Variants in PTK7 observed in about 807,000 individuals in gnomAD.
PTK7 encodes protein tyrosine kinase 7 (inactive), also known as inactive tyrosine-protein kinase 7.
PTK7 carries 39 observed loss-of-function variants against 116.6 expected under a neutral mutation model. The observed-to-expected ratio is 0.33, with a 90% confidence interval of 0.26 to 0.44. The LOEUF (loss-of-function observed/expected upper bound fraction) is 0.44, where lower values mean the gene tolerates loss of function less well. Among genes scored for constraint, PTK7 ranks in the 20% least tolerant of loss-of-function variants. The probability of loss-of-function intolerance (pLI) is 1.00; values close to 1 mark genes in which losing one functional copy is unlikely to be tolerated. For synonymous variants in PTK7, 546 were observed against 563.6 expected, an observed-to-expected ratio of 0.97 and a Z score of 0.44; for missense variants, 1,169 against 1,425.6, an observed-to-expected ratio of 0.82 and a Z score of 2.90.
rs1188812529 is a variant in PTK7 at position 43,145,077 on chromosome 6, CG to C, written c.2408-120del. The C allele has an allele frequency of 7.8e-6, 6 of 765,928 alleles. No homozygotes were observed. The highest frequency in any genetic ancestry group is 5.2e-5 in the African/African-American group (3 of 57,718). 47.4% of individuals were successfully genotyped at this position (765,928 alleles called of 1,614,324 possible). ...AGGAGGGAGGGGGTCACAGCAGAAC[CG>C]GGTCTCGTGCCCAGCCCAGGTGGGT... On this transcript the variant is annotated intron_variant, in intron 15 of 19. Transcript: ENST00000230419. The surrounding 1 kb of genome is among the most constrained non-coding windows in gnomAD (Gnocchi z 4.8).
At chr6:43,107,861 A>G (rs1198088532) in intron 1 of PTK7, among the ~76,000 whole-genome samples, 3 of 152,226 alleles carry the variant, frequency 2.0e-5, no homozygotes, top group African/African-American at 4.8e-5. Flanking sequence ...TCTGCCATGG[A>G]GGAGACCAAG....
At chr6:43,138,686 G>A (rs1770193409) in intron 7 of PTK7, 163 bp from the exon 8 acceptor site, 1 of 966,876 alleles carries the variant, frequency 1.0e-6, no homozygotes, top group Non-Finnish European at 1.5e-6. Context: ...TTTAAAAAAG[G>A]TGCTGGCACC....
rs1284048413 is a variant in PTK7 at position 43,136,627 on chromosome 6, G to A, written c.1229-2222G>A. 2.0e-5 allele frequency among the ~76,000 whole-genome samples: 3 copies of A among 152,120 alleles called. No homozygotes were observed. The East Asian group carries it at 5.8e-4, about 29-fold the overall frequency. Reference sequence around the variant, plus strand: ...CACCTGGCAGCTGGGTTCCGAGAGGGCAAAAGTGGAAGCTGCAGTACTACC... The same window carrying A: ...CACCTGGCAGCTGGGTTCCGAGAGGACAAAAGTGGAAGCTGCAGTACTACC... On this transcript the variant is annotated intron_variant, in intron 7 of 19. Coordinates refer to ENST00000230419, the MANE Select transcript of PTK7 (RefSeq NM_002821.5).
chr6:43,113,776 C>G (rs149057782), intron 1 of PTK7, among the ~76,000 whole-genome samples: 10 of 152,164 alleles, frequency 6.6e-5, no homozygotes, highest in African/African-American at 2.4e-4. Context: ...TTTAACAGTA[C>G]GGCGCATTTA....
chr6:43,109,052 C>T (rs1340517721), intron 1 of PTK7, among the ~76,000 whole-genome samples: 1 of 152,168 alleles, frequency 6.6e-6, no homozygotes, highest in Non-Finnish European at 1.5e-5. Context: ...CAGTGAGAGA[C>T]TTTCAGTGTT....
At chr6:43,107,777 G>A (rs896512690) in intron 1 of PTK7, among the ~76,000 whole-genome samples, 6 of 152,168 alleles carry the variant, frequency 3.9e-5, no homozygotes, top group East Asian at 1.9e-4. Flanking sequence ...GGGATAATGC[G>A]ACCAAATTAT....
rs1452335860 is a variant in PTK7, at chr6:43,143,962, CA to C, written c.2251+343del. Among the ~76,000 whole-genome samples, 1 of 152,216 alleles carries C rather than the reference CA, an allele frequency of 6.6e-6. No homozygotes were observed. The highest frequency in any genetic ancestry group is 6.5e-5 in the Admixed American group (1 of 15,282). On this transcript the variant is annotated intron_variant, in intron 14 of 19. Transcript: ENST00000230419. This position sits in a 1 kb window ranked among gnomAD's most constrained non-coding sequence, Gnocchi z 4.2. ...CCCTCTATGAGTCTAAGAGCTCCCC[CA>C]GGGGCAGTCTTTCTGTTTACTTCCC...
At chr6:43,097,703 C>A (rs529235884) in intron 1 of PTK7, among the ~76,000 whole-genome samples, 1 of 152,176 alleles carries the variant, frequency 6.6e-6, no homozygotes. Flanking sequence ...ACTAAATATG[C>A]CGAGATGGCC....
chr6:43,078,558 A>G (rs1766191990), intron 1 of PTK7, among the ~76,000 whole-genome samples: 1 of 152,072 alleles, frequency 6.6e-6, no homozygotes, highest in African/African-American at 2.4e-5. Flanking sequence ...ATCACAGTAG[A>G]TGTTTGCATC....
intron 1 of PTK7, among the ~76,000 whole-genome samples, chr6:43,117,631 C>T (rs2395960): frequency 0.11 from 16,779 of 152,068 alleles, 1,494 homozygotes; most frequent in East Asian, 0.32. Context: ...GAAATGTGTC[C>T]TCTAGGTCGG....
intron 17 of PTK7, among the ~76,000 whole-genome samples, chr6:43,157,393 T>C (rs1324089885): frequency 8.0e-6 from 1 of 124,494 alleles, no homozygotes. Context: ...TTTTTTTTTT[T>C]TTAATAGAGT....
chr6:43,132,613 A>G lies in PTK7; in HGVS notation c.1154A>G (p.Asp385Gly). 6.2e-7 allele frequency: 1 copy of G among 1,608,510 alleles called. No homozygotes were observed. Among genetic ancestry groups the G allele is most frequent in the Non-Finnish European group, 8.5e-7 (1 of 1,177,614 alleles). ...ELVLANIAES[D>G]AGVYTCHAAN... is the part of the protein sequence containing the mutation. ...GTGTTGGCCAATATTGCTGAAAGTG[A>G]TGCTGGTGTCTACACCTGCCACGCG... is the stretch of plus-strand genomic sequence containing the variant. Residue 385 changes from aspartate to glycine, a missense_variant, in exon 7 of 20, where the codon GAT becomes GGT. Asp to Gly is a moderately conservative substitution (Grantham distance 94). This residue lies in a region of PTK7 where 487 missense variants were observed against 549.8 expected (regional missense o/e 0.89). Coordinates refer to ENST00000230419, the MANE Select transcript of PTK7 (RefSeq NM_002821.5).
chr6:43,151,503 C>T (rs1194445195), intron 17 of PTK7, among the ~76,000 whole-genome samples: 3 of 148,956 alleles, frequency 2.0e-5, no homozygotes, highest in Non-Finnish European at 3.0e-5. Context: ...TGAGGCACCG[C>T]GCCCAAGCCC....
At chr6:43,078,838 C>G (rs1029326385) in intron 1 of PTK7, among the ~76,000 whole-genome samples, 16 of 152,200 alleles carry the variant, frequency 1.1e-4, no homozygotes, top group African/African-American at 3.9e-4. Flanking sequence ...TTCCAATTCC[C>G]ATCCCCCTCC....
chr6:43,142,129 C>T (rs769046605), intron 12 of PTK7, 43 bp from the exon 13 acceptor site: 2 of 1,612,032 alleles, frequency 1.2e-6, no homozygotes, highest in South Asian at 2.2e-5. Flanking sequence ...CTGCAGCCCC[C>T]CTCCCTGCGA....
rs190073892 is a variant in PTK7, at chr6:43,129,508, C to T, written c.368-219C>T. 80 of 709,694 alleles carry T rather than the reference C, an allele frequency of 1.1e-4. No individual in the cohort carries two copies. The highest frequency in any genetic ancestry group is 1.0e-3 in the East Asian group (37 of 36,742). 44.0% of individuals were successfully genotyped at this position (709,694 alleles called of 1,614,324 possible). A position where few individuals can be genotyped will look rare whatever the true frequency, so the allele number is the denominator to read the frequency against. On this transcript the variant is annotated intron_variant, in intron 2 of 19. Transcript: ENST00000230419. The surrounding 1 kb of genome is among the most constrained non-coding windows in gnomAD (Gnocchi z 4.5). ...TGCATGCTTGTGCAAATGGAAAGGG[C>T]GGCCGAGCCCTTGGCCAAGTGTCAG...
Position 43,139,210 on chromosome 6 carries a change from C to CCGTT in PTK7, c.1438_1441dup (p.Cys481SerfsTer38). On this transcript the variant is annotated frameshift_variant, in exon 9 of 20. Coordinates refer to ENST00000230419, the MANE Select transcript of PTK7 (RefSeq NM_002821.5). LOFTEE classifies it high-confidence loss of function. This position sits in a 1 kb window ranked among gnomAD's most constrained non-coding sequence, Gnocchi z 4.6. The stretch of plus-strand genomic sequence containing the variant: ...TGGAGGTGTATGATGGGACATGGTA[C>CCGTT]CGTTGTATGAGCAGCACCCCAGCCG... 6.2e-7 allele frequency: 1 copy of CCGTT among 1,614,188 alleles called. No individual in the cohort carries two copies. The highest frequency in any genetic ancestry group is 8.5e-7 in the Non-Finnish European group (1 of 1,180,030).
At chr6:43,138,112 ATTAC>A (rs1313547511) in intron 7 of PTK7, among the ~76,000 whole-genome samples, 1 of 152,014 alleles carries the variant, frequency 6.6e-6, no homozygotes, top group Non-Finnish European at 1.5e-5. Flanking sequence ...CCTGGCCACC[ATTAC>A]TTCTTTGAAC....
chr6:43,132,124 G>A lies in PTK7; in HGVS notation c.921G>A (p.Arg307=). The A allele has an allele frequency of 6.2e-7, 1 of 1,613,336 alleles. No individual in the cohort carries two copies. The highest frequency in any genetic ancestry group is 8.5e-7 in the Non-Finnish European group (1 of 1,179,488). Residue 307 remains arginine, a synonymous_variant, in exon 6 of 20, where the codon AGG becomes AGA. Transcript: ENST00000230419. The part of the protein sequence containing the change: ...GIYRCIGQGQ[R]GPPIILEATL... ...ACCGCTGCATTGGCCAGGGGCAGAG[G>A]GGCCCACCCATCATCCTGGAAGCCA...
Sources: gnomAD v4.1 joint callset for allele counts (sites outside exome capture counted in the v4.1 genomes callset) on GRCh38, gnomAD v4.1.1 for gene constraint, gnomAD v4.1.1 regional missense constraint, Gnocchi (gnomAD v3.1) non-coding constraint, MANE v1.5 for transcripts, NCBI Gene and HGNC (gene_info 2026-07-23, HGNC 2026-07-21) for gene names.